Variants in SLC5A10 observed in about 807,000 individuals in gnomAD.
The protein encoded by SLC5A10 is solute carrier family 5 member 10, also known as sodium/mannose cotransporter SLC5A10.
A neutral mutation model predicts 68.9 loss-of-function variants in SLC5A10; 55 were observed. The ratio of observed to expected loss-of-function variants is 0.80; its 90% CI spans 0.64 to 1.00. The LOEUF is 1.00. Among genes scored for constraint, SLC5A10 ranks in the 50% least tolerant of loss-of-function variants. The pLI, the probability that SLC5A10 is intolerant of heterozygous loss-of-function variation, is 0.00. For missense variants in SLC5A10, 732 were observed against 819.3 expected, an observed-to-expected ratio of 0.89 and a Z score of 1.30; for synonymous variants, 344 against 344.8, an observed-to-expected ratio of 1.00 and a Z score of 0.02.
At chr17:18,970,612 T>A (rs946753251) in intron 7 of SLC5A10, 31 of 259,274 alleles carry the variant, frequency 1.2e-4, no homozygotes, top group Non-Finnish European at 1.7e-4. Flanking sequence ...GATGAACACT[T>A]TAGAAGCCTC....
chr17:18,953,537 T>G (rs1380785587), intron 1 of SLC5A10: 1 of 152,608 alleles, frequency 6.6e-6, no homozygotes, highest in Non-Finnish European at 1.5e-5. Flanking sequence ...TGTTCTGATC[T>G]GTTATATGGA....
In SLC5A10 at chr17:18,968,891, C is replaced by T. The variant is rs1286399247; in HGVS notation, c.454-161C>T. ...CCACGGCCAGGTCTTCCCCCAACCTCACAATGGCCCCGTGATGCAGGCAGG... is the reference window on the plus strand; with the variant it reads ...CCACGGCCAGGTCTTCCCCCAACCTTACAATGGCCCCGTGATGCAGGCAGG... On this transcript the variant is annotated intron_variant, in intron 5 of 14. Coordinates refer to ENST00000395645, the MANE Select transcript of SLC5A10 (RefSeq NM_001042450.4). This position sits in a 1 kb window ranked among gnomAD's most constrained non-coding sequence, Gnocchi z 4.1. 6 of 630,780 alleles carry T rather than the reference C, an allele frequency of 9.5e-6. No individual in the cohort carries two copies. Among genetic ancestry groups the T allele is most frequent in the East Asian group, 2.8e-5 (1 of 35,796 alleles). 39.1% of individuals were successfully genotyped at this position (630,780 alleles called of 1,614,324 possible). A position where few individuals can be genotyped will look rare whatever the true frequency, so the allele number is the denominator to read the frequency against.
intron 11 of SLC5A10, among the ~76,000 whole-genome samples, chr17:19,015,795 C>T (rs945043259): frequency 6.6e-6 from 1 of 152,228 alleles, no homozygotes; most frequent in African/African-American, 2.4e-5. Flanking sequence ...AGATTCTTCC[C>T]ACAGCACATG....
At chr17:18,975,828 A>G (rs2042962464) in intron 8 of SLC5A10, 1 of 152,188 alleles carries the variant, frequency 6.6e-6, no homozygotes, top group Non-Finnish European at 1.5e-5. Flanking sequence ...ACTAAAAACC[A>G]TGGGAACAGT....
chr17:18,971,360 TA>T lies in SLC5A10; in HGVS notation c.846+143del. 1 of 1,560,744 alleles carries T rather than the reference TA, an allele frequency of 6.4e-7. No homozygotes were observed. The highest frequency in any genetic ancestry group is 8.6e-7 in the Non-Finnish European group (1 of 1,159,792). ...GTGGCTCCAGGCTGGGACATGCTGC[TA>T]GGGGTCTTTGCGGTCCCGGGGGGCT... On this transcript the variant is annotated intron_variant, in intron 8 of 14. Transcript: ENST00000395645. The surrounding 1 kb of genome is among the most constrained non-coding windows in gnomAD (Gnocchi z 5.5).
At chr17:18,966,731 CAG>C in intron 5 of SLC5A10, among the ~76,000 whole-genome samples, 1 of 130,402 alleles carries the variant, frequency 7.7e-6, no homozygotes, top group African/African-American at 2.9e-5. Flanking sequence ...GCCTGGGTGA[CAG>C]AGCAAGACTC....
At chr17:18,982,224 C>T (rs1426408282) in intron 9 of SLC5A10, among the ~76,000 whole-genome samples, 1 of 152,186 alleles carries the variant, frequency 6.6e-6, no homozygotes. Flanking sequence ...CACAGCAGGG[C>T]GGGCCTCCAA....
At chr17:18,973,310 G>A (rs1484335111) in intron 8 of SLC5A10, among the ~76,000 whole-genome samples, 2 of 152,226 alleles carry the variant, frequency 1.3e-5, no homozygotes, top group Non-Finnish European at 2.9e-5. Context: ...TCCTGGCCTT[G>A]GGGTCAGGGT....
chr17:18,965,504 C>T (rs1320626301), intron 5 of SLC5A10, among the ~76,000 whole-genome samples: 2 of 152,214 alleles, frequency 1.3e-5, no homozygotes, highest in Non-Finnish European at 2.9e-5. Flanking sequence ...GCCAGAGTAC[C>T]AGGGCCGGTT....
intron 1 of SLC5A10, among the ~76,000 whole-genome samples, chr17:18,958,013 A>C (rs1430031334): frequency 6.6e-6 from 1 of 152,222 alleles, no homozygotes; most frequent in Non-Finnish European, 1.5e-5. Context: ...GTGTTCATGA[A>C]GCATCATGTT....
At chr17:19,005,227 C>T (rs541668983) in intron 9 of SLC5A10, among the ~76,000 whole-genome samples, 1 of 152,332 alleles carries the variant, frequency 6.6e-6, no homozygotes, top group South Asian at 2.1e-4. Flanking sequence ...CTTTCCTGAG[C>T]AGATACCCAG....
At chr17:19,002,643 G>C (rs940830536) in intron 9 of SLC5A10, among the ~76,000 whole-genome samples, 7 of 152,236 alleles carry the variant, frequency 4.6e-5, no homozygotes, top group African/African-American at 1.7e-4. Context: ...AGATGTGCTT[G>C]GAAACGATGA....
intron 9 of SLC5A10, 164 bp from the exon 10 acceptor site, chr17:19,013,246 C>T (rs550436447): frequency 1.5e-4 from 166 of 1,082,808 alleles, no homozygotes; most frequent in Non-Finnish European, 2.1e-4. Context: ...GCCATGCCCT[C>T]CCTGTGGCTC....
At position 19,004,294 on chromosome 17, in the gene SLC5A10, A is replaced by G. The variant is rs2043820287; in HGVS notation, c.983-9116A>G. 2.3e-5 allele frequency: 11 copies of G among 483,972 alleles called. No homozygotes were observed. The South Asian group carries it at 2.6e-4, about 12-fold the overall frequency. 30.0% of individuals were successfully genotyped at this position (483,972 alleles called of 1,614,324 possible). ...GACGGGGCTGGGGCTGGGGCTGGGA[A>G]GATGAGGTGGGGGCACTGGACTGGG... On this transcript the variant is annotated intron_variant, in intron 9 of 14. Coordinates refer to ENST00000395645, the MANE Select transcript of SLC5A10 (RefSeq NM_001042450.4). The surrounding 1 kb of genome is among the most constrained non-coding windows in gnomAD (Gnocchi z 5.4).
At position 18,959,680 on chromosome 17, in the gene SLC5A10, G is replaced by A. The variant is rs1354453993; in HGVS notation, c.348+17G>A. On this transcript the variant is annotated intron_variant, in intron 4 of 14. Transcript: ENST00000395645. ...TCCTCAGAGGTGAGTCTACTCATGG[G>A]GCCTCCAGCTGGGGGGCTGGGCCTT... is the stretch of plus-strand genomic sequence containing the variant. 6.2e-6 allele frequency: 10 copies of A among 1,613,552 alleles called. No individual in the cohort carries two copies. The highest frequency in any genetic ancestry group is 8.5e-6 in the Non-Finnish European group (10 of 1,179,768).
chr17:19,013,410 A>C lies in SLC5A10; in HGVS notation c.983A>C (p.Asp328Ala). The change falls in exon 10 of 15, where the codon GAT (aspartate) becomes GCT (alanine). Residue 328 changes from aspartate (D) to alanine (A), a missense_variant and splice_region_variant. Transcript: ENST00000395645. ...PGMISRALFP[D>A]DVGCVVPSEC... ...CACCAAGTGTCCGTCTCTCGAACAG[A>C]TGATGTGGGCTGCGTGGTGCCGTCC... is the stretch of plus-strand genomic sequence containing the variant. 1 of 1,606,918 alleles carries C rather than the reference A, an allele frequency of 6.2e-7. No homozygotes were observed. Among genetic ancestry groups the C allele is most frequent in the Non-Finnish European group, 8.5e-7 (1 of 1,176,458 alleles).
chr17:18,995,792 C>T (rs991323465), intron 9 of SLC5A10, among the ~76,000 whole-genome samples: 6 of 152,052 alleles, frequency 3.9e-5, no homozygotes, highest in Admixed American at 3.9e-4. Context: ...CCTATAATCC[C>T]AGCTACTTGG....
intron 13 of SLC5A10, 104 bp from the exon 14 acceptor site, chr17:19,020,051 T>G: frequency 6.9e-7 from 1 of 1,446,282 alleles, no homozygotes; most frequent in Non-Finnish European, 9.5e-7. Context: ...CGTCCCTTTT[T>G]GAACTCAGCT....
chr17:19,002,069 G>A (rs759092432), intron 9 of SLC5A10, among the ~76,000 whole-genome samples: 8 of 152,208 alleles, frequency 5.3e-5, no homozygotes, highest in Non-Finnish European at 1.0e-4. Context: ...CACAGCAGGT[G>A]TGGGGCGGGT....
Sources: gnomAD v4.1 joint callset for allele counts (sites outside exome capture counted in the v4.1 genomes callset) on GRCh38, gnomAD v4.1.1 for gene constraint, Gnocchi (gnomAD v3.1) non-coding constraint, MANE v1.5 for transcripts, NCBI Gene and HGNC (gene_info 2026-07-23, HGNC 2026-07-21) for gene names.